TRIM33: variants seen among roughly 807,000 people sequenced by gnomAD.
TRIM33 encodes the protein E3 ubiquitin-protein ligase TRIM33.
In TRIM33, 20 loss-of-function variants were observed where a neutral mutation model predicts 125.4. The ratio of observed to expected loss-of-function variants is 0.16; its 90% CI spans 0.11 to 0.23. The LOEUF is 0.23. TRIM33 is among the 10% of genes least tolerant of loss of function. TRIM33 has a pLI of 1.00. For missense variants in TRIM33, 920 were observed against 1,411.4 expected (o/e 0.65, Z 5.58); for synonymous variants, 564 against 513.9 (o/e 1.10, Z -1.32).
chr1:114,503,350 G>A (rs981546889), intron 1 of TRIM33, among the ~76,000 whole-genome samples: 4 of 152,016 alleles, frequency 2.6e-5, no homozygotes, highest in East Asian at 1.9e-4. Flanking sequence ...GCATGGTAGC[G>A]TGTGCCTGTA....
intron 4 of TRIM33, among the ~76,000 whole-genome samples, chr1:114,438,763 C>T (rs1557865922): frequency 6.6e-6 from 1 of 152,134 alleles, no homozygotes; most frequent in African/African-American, 2.4e-5. Flanking sequence ...TCAAAACACA[C>T]AAAGCAAAGC....
At chr1:114,415,723 G>C (rs1386196643) in intron 11 of TRIM33, among the ~76,000 whole-genome samples, 1 of 152,038 alleles carries the variant, frequency 6.6e-6, no homozygotes, top group African/African-American at 2.4e-5. Context: ...GGCTGAGGTG[G>C]GCAGGTCACC....
chr1:114,505,765 G>A (rs1281215224), intron 1 of TRIM33, among the ~76,000 whole-genome samples: 2 of 151,800 alleles, frequency 1.3e-5, no homozygotes, highest in East Asian at 2.0e-4. Flanking sequence ...ACAGGGTTTC[G>A]CCATGTTGGC....
At position 114,501,168 on chromosome 1, in the gene TRIM33, C is replaced by T. The variant is rs1344023562; in HGVS notation, c.526+9383G>A. Among the ~76,000 whole-genome samples the T allele has an allele frequency of 3.6e-5, 2 of 55,162 alleles. 1 individual carries two copies. The highest frequency in any genetic ancestry group is 7.0e-5 in the Non-Finnish European group (2 of 28,728). 36.2% of individuals were successfully genotyped at this position (55,162 alleles called of 152,430 possible). On this transcript the variant is annotated intron_variant, in intron 1 of 19. Transcript: ENST00000358465. ...TCCCGCCACTGCACTCCAGCCTGGG[C>T]GACAGAGCGAGACTCCGTCTCAAAA...
chr1:114,485,347 A>G (rs1463424769), intron 1 of TRIM33, among the ~76,000 whole-genome samples: 1 of 152,098 alleles, frequency 6.6e-6, no homozygotes, highest in African/African-American at 2.4e-5. Context: ...AGGGAATAGC[A>G]GGAAGCTGAA....
intron 11 of TRIM33, among the ~76,000 whole-genome samples, chr1:114,413,628 T>TAAAAAAAA (rs34538412): frequency 2.0e-5 from 1 of 50,858 alleles, no homozygotes; most frequent in African/African-American, 8.4e-5. Flanking sequence ...AGCAAAACTG[T>TAAAAAAAA]AAAAAAAAAA....
chr1:114,406,871 T>C (rs1652278664), intron 14 of TRIM33, 70 bp downstream of exon 14: 3 of 1,466,556 alleles, frequency 2.0e-6, no homozygotes, highest in Non-Finnish European at 1.9e-6. Context: ...TTAGTCTTAA[T>C]ATACTCAGAG....
chr1:114,467,985 G>A (rs1572091320), intron 1 of TRIM33, among the ~76,000 whole-genome samples: 1 of 152,314 alleles, frequency 6.6e-6, no homozygotes, highest in Middle Eastern at 3.4e-3. Flanking sequence ...TCAGAGCCCA[G>A]TCCAAATGAT....
chr1:114,453,653 T>C (rs889948948), intron 4 of TRIM33, among the ~76,000 whole-genome samples: 3 of 152,214 alleles, frequency 2.0e-5, no homozygotes, highest in African/African-American at 2.4e-5. Flanking sequence ...CCAAGCTAGA[T>C]AGTCTGTGTC....
intron 1 of TRIM33, among the ~76,000 whole-genome samples, chr1:114,483,214 A>C (rs554777821): frequency 3.3e-5 from 5 of 152,118 alleles, no homozygotes; most frequent in African/African-American, 1.2e-4. Flanking sequence ...AGCTGAGGCA[A>C]GAGGACTGCT....
intron 11 of TRIM33, among the ~76,000 whole-genome samples, chr1:114,414,875 G>C (rs1470181790): frequency 2.6e-5 from 4 of 151,722 alleles, no homozygotes; most frequent in African/African-American, 9.7e-5. Flanking sequence ...TAATAATGAG[G>C]GCTGGTGAAA....
intron 5 of TRIM33, among the ~76,000 whole-genome samples, chr1:114,433,355 A>T (rs1293276393): frequency 1.3e-5 from 2 of 152,142 alleles, no homozygotes; most frequent in African/African-American, 4.8e-5. Context: ...TCTCCATATT[A>T]ATTTATTTGT....
chr1:114,416,791 G>T (rs975629410), intron 11 of TRIM33, among the ~76,000 whole-genome samples: 8 of 152,150 alleles, frequency 5.3e-5, no homozygotes, highest in African/African-American at 1.9e-4. Flanking sequence ...GCCAAATTCA[G>T]TAGAAAAAGA....
At chr1:114,477,787 A>T (rs1196150543) in intron 1 of TRIM33, among the ~76,000 whole-genome samples, 6 of 152,212 alleles carry the variant, frequency 3.9e-5, no homozygotes, top group Non-Finnish European at 7.3e-5. Context: ...GAACCAACAA[A>T]CTAAATTTTA....
chr1:114,498,588 G>T (rs1204092838), intron 1 of TRIM33, among the ~76,000 whole-genome samples: 1 of 152,038 alleles, frequency 6.6e-6, no homozygotes, highest in East Asian at 1.9e-4. Context: ...GGCAGAGGTT[G>T]TAGTGAGCCA....
chr1:114,408,173 T>C (rs1404080397), intron 13 of TRIM33, among the ~76,000 whole-genome samples: 2 of 152,106 alleles, frequency 1.3e-5, no homozygotes, highest in East Asian at 1.9e-4. Context: ...AATGACAAGA[T>C]GGAGAAATCG....
Position 114,397,642 on chromosome 1 carries a change from GTCATT to G in TRIM33, c.*1_*5del. 2.2e-6 allele frequency: 1 copy of G among 463,808 alleles called. No homozygotes were observed. The highest frequency in any genetic ancestry group is 3.5e-6 in the Non-Finnish European group (1 of 288,256). The allele number at this position is 463,808 out of a possible 1,614,324, so 28.7% of individuals were successfully genotyped here. A position where few individuals can be genotyped will look rare whatever the true frequency, so the allele number is the denominator to read the frequency against. ...TTTTAAACAATTGATTTAAATCCAT[GTCATT>G]TTACTTTATATGTACTGGTCTCTCA... On this transcript the variant is annotated 3_prime_UTR_variant, in exon 20 of 20. Transcript: ENST00000358465.
rs1472165597 is a variant in TRIM33 at position 114,408,575 on chromosome 1, AGT to A, written c.2258+100_2258+101del. ...CATTATTTGATCACTGTTAAAGCTG[AGT>A]GTTAAGTATAAAGGGGTTCACTGTA... On this transcript the variant is annotated intron_variant, in intron 13 of 19. Transcript: ENST00000358465. The A allele has an allele frequency of 5.7e-6, 4 of 699,192 alleles. No individual in the cohort carries two copies. In the African/African-American group the frequency reaches 7.4e-5, roughly 13 times the overall value. 43.3% of individuals were successfully genotyped at this position (699,192 alleles called of 1,614,324 possible). A position where few individuals can be genotyped will look rare whatever the true frequency, so the allele number is the denominator to read the frequency against.
intron 15 of TRIM33, chr1:114,404,197 C>T (rs1352351282): frequency 6.6e-6 from 1 of 152,150 alleles, no homozygotes; most frequent in Non-Finnish European, 1.5e-5. Context: ...TGCAGTGGTA[C>T]AATCTCGGCT....
Sources: gnomAD v4.1 joint callset for allele counts (sites outside exome capture counted in the v4.1 genomes callset) on GRCh38, gnomAD v4.1.1 for gene constraint, MANE v1.5 for transcripts, NCBI Gene and HGNC (gene_info 2026-07-23, HGNC 2026-07-21) for gene names.